Variants in PLEKHA6 observed in about 807,000 individuals in gnomAD.
The protein encoded by PLEKHA6 is pleckstrin homology domain-containing family A member 6.
A neutral mutation model predicts 116.7 loss-of-function variants in PLEKHA6; 60 were observed. The ratio of observed to expected loss-of-function variants is 0.51; its 90% CI spans 0.42 to 0.64. The LOEUF (loss-of-function observed/expected upper bound fraction) is 0.64. Ranked by LOEUF, PLEKHA6 falls within the 30% of genes least tolerant of loss-of-function variation. PLEKHA6 has a pLI of 0.00. For synonymous variants in PLEKHA6, 489 were observed against 556.1 expected, an observed-to-expected ratio of 0.88 and a Z score of 1.70; for missense variants, 1,338 against 1,422.7, an observed-to-expected ratio of 0.94 and a Z score of 0.96.
intron 3 of PLEKHA6, among the ~76,000 whole-genome samples, chr1:204,366,785 G>A (rs1051963166): frequency 2.0e-5 from 3 of 152,152 alleles, no homozygotes; most frequent in Non-Finnish European, 4.4e-5. Context: ...ATAGGTTAGC[G>A]GCTAAGCTGA....
At position 204,250,581 on chromosome 1, in the gene PLEKHA6, G is replaced by C. The variant is rs751276581; in HGVS notation, c.1558C>G (p.Leu520Val). ...TGCTCGTTTAACTTGTAGGTGTGGA[G>C]GCTGTCCCGGAACACTTCTGGGTAT... ...PPYPEVFRDS[L>V]HTYKLNEQDT... Residue 520 changes from leucine to valine, a missense_variant, in exon 10 of 23, where the codon CTC becomes GTC. Physicochemically the swap from Leu to Val is conservative, Grantham distance 32. Around this residue, in one of 3 missense-constraint regions of PLEKHA6, gnomAD observed 1,136 missense variants for 1,163.6 expected, o/e 0.98. Coordinates refer to ENST00000272203, the MANE Select transcript of PLEKHA6 (RefSeq NM_014935.5). 35 of 1,613,104 alleles carry C rather than the reference G, an allele frequency of 2.2e-5. No homozygotes were observed. The East Asian group carries it at 7.8e-4, about 36-fold the overall frequency.
chr1:204,294,943 T>A (rs1189010719), intron 1 of PLEKHA6, among the ~76,000 whole-genome samples: 1 of 152,228 alleles, frequency 6.6e-6, no homozygotes, highest in African/African-American at 2.4e-5. Flanking sequence ...ATTTTGATTA[T>A]AAAACCCCTC....
At chr1:204,248,689 C>A (rs376580189) in intron 12 of PLEKHA6, 132 bp downstream of exon 12, 3 of 708,718 alleles carry the variant, frequency 4.2e-6, no homozygotes, top group African/African-American at 3.5e-5. Context: ...TTTGTTTATG[C>A]CCCTCTGCAC....
chr1:204,309,800 A>G, intron 1 of PLEKHA6: 1 of 653,906 alleles, frequency 1.5e-6, no homozygotes, highest in Non-Finnish European at 1.9e-6. Flanking sequence ...AGCAGGAGTC[A>G]GCAAACTTTT....
At chr1:204,360,791 ACG>A (rs979462094), upstream of PLEKHA6, among the ~76,000 whole-genome samples, 2 of 152,164 alleles carry the variant, frequency 1.3e-5, no homozygotes, top group African/African-American at 4.8e-5. Context: ...TAGCCAAGCT[ACG>A]GGGTACCTGG....
At chr1:204,251,412 G>C in intron 9 of PLEKHA6, 1 of 614,642 alleles carries the variant, frequency 1.6e-6, no homozygotes, top group Non-Finnish European at 2.9e-6. Flanking sequence ...GGCCAAGCCT[G>C]TCTCCAGGCA....
At chr1:204,294,103 C>T (rs753688726) in intron 1 of PLEKHA6, among the ~76,000 whole-genome samples, 8 of 152,100 alleles carry the variant, frequency 5.3e-5, no homozygotes, top group Admixed American at 2.0e-4. Flanking sequence ...GTGGCCAGAG[C>T]GTGACAGCTG....
In PLEKHA6 at chr1:204,257,868, G is replaced by T; in HGVS notation, c.1009C>A (p.Pro337Thr). The change falls in exon 9 of 23, where the codon CCC (proline) becomes ACC (threonine). Residue 337 changes from proline to threonine, a missense_variant and splice_region_variant. Pro to Thr is a conservative substitution (Grantham distance 38, BLOSUM62 -1). This residue lies in a region of PLEKHA6 where 1,136 missense variants were observed against 1,163.6 expected (regional missense o/e 0.98). Coordinates refer to ENST00000272203, the MANE Select transcript of PLEKHA6 (RefSeq NM_014935.5). This position sits in a 1 kb window ranked among gnomAD's most constrained non-coding sequence, Gnocchi z 6.5. The stretch of plus-strand genomic sequence containing the variant: ...CGAGACACAGGATAGAACCTAGAGG[G>T]ACTGAGAGAGAGGGGACATTGTAAT... Reference protein sequence around the residue: ...GVPPPEDLRSPSRFYPVSRRV... With the variant: ...GVPPPEDLRSTSRFYPVSRRV... 1 of 1,597,456 alleles carries T rather than the reference G, an allele frequency of 6.3e-7. No homozygotes were observed. Among genetic ancestry groups the T allele is most frequent in the Non-Finnish European group, 8.6e-7 (1 of 1,168,088 alleles).
intron 17 of PLEKHA6, among the ~76,000 whole-genome samples, chr1:204,234,754 G>A (rs1036330749): frequency 6.6e-6 from 1 of 151,506 alleles, no homozygotes; most frequent in East Asian, 1.9e-4. Flanking sequence ...TATAAAGCAG[G>A]CAGAAAAATG....
At chr1:204,287,997 T>C (rs1194875375) in intron 1 of PLEKHA6, among the ~76,000 whole-genome samples, 1 of 152,164 alleles carries the variant, frequency 6.6e-6, no homozygotes, top group African/African-American at 2.4e-5. Context: ...TTGTATCTGG[T>C]TGTAACAAAA....
At chr1:204,337,378 C>T (rs1558189249) in intron 1 of PLEKHA6, among the ~76,000 whole-genome samples, 1 of 152,138 alleles carries the variant, frequency 6.6e-6, no homozygotes, top group Non-Finnish European at 1.5e-5. Flanking sequence ...AGCCCCTTCC[C>T]AGTAGCTGCT....
At chr1:204,360,383 GCCC>G (rs55977147), upstream of PLEKHA6, among the ~76,000 whole-genome samples, 1 of 135,650 alleles carries the variant, frequency 7.4e-6, no homozygotes, top group South Asian at 2.5e-4. Flanking sequence ...CCCATCCCCC[GCCC>G]CCCCCCCAAT....
chr1:204,255,907 C>A (rs1033850434), intron 9 of PLEKHA6, among the ~76,000 whole-genome samples: 2 of 152,114 alleles, frequency 1.3e-5, no homozygotes, highest in Non-Finnish European at 2.9e-5. Flanking sequence ...ACACGCAGAC[C>A]CCAGTGCCAT....
chr1:204,374,384 C>T (rs1408898082), intron 1 of PLEKHA6, among the ~76,000 whole-genome samples: 10 of 152,190 alleles, frequency 6.6e-5, no homozygotes, highest in African/African-American at 2.2e-4. Context: ...CCCAGGGCTG[C>T]CTCTGCTACC....
At chr1:204,343,786 G>T (rs1043122232) in intron 1 of PLEKHA6, among the ~76,000 whole-genome samples, 5 of 152,180 alleles carry the variant, frequency 3.3e-5, no homozygotes, top group African/African-American at 4.8e-5. Flanking sequence ...CACTAGAAAG[G>T]CACCTGCTAT....
intron 1 of PLEKHA6, 106 bp downstream of exon 1, chr1:204,359,588 T>C: frequency 1.0e-6 from 1 of 984,718 alleles, no homozygotes. Flanking sequence ...TGCTCCGCAG[T>C]GCAAGCAGCC....
At chr1:204,287,256 C>T (rs1432770338) in intron 1 of PLEKHA6, among the ~76,000 whole-genome samples, 1 of 148,308 alleles carries the variant, frequency 6.7e-6, no homozygotes. Context: ...TTTTAAATCA[C>T]GTGGGCATTC....
intron 9 of PLEKHA6, among the ~76,000 whole-genome samples, chr1:204,256,376 T>C (rs982471616): frequency 1.1e-4 from 16 of 152,252 alleles, no homozygotes; most frequent in African/African-American, 3.9e-4. Context: ...TCTTCCTCAA[T>C]CATATCGCTT....
At chr1:204,313,089 C>T (rs12730429) in intron 1 of PLEKHA6, among the ~76,000 whole-genome samples, 77,049 of 110,682 alleles carry the variant, frequency 0.7, 27,090 homozygotes, top group Middle Eastern at 0.73. Context: ...CCTTCCCTCC[C>T]TCCCTCCTTC....
Sources: gnomAD v4.1 joint callset for allele counts (sites outside exome capture counted in the v4.1 genomes callset) on GRCh38, gnomAD v4.1.1 for gene constraint, gnomAD v4.1.1 regional missense constraint, Gnocchi (gnomAD v3.1) non-coding constraint, MANE v1.5 for transcripts, NCBI Gene and HGNC (gene_info 2026-07-23, HGNC 2026-07-21) for gene names.